Variants in CACNA1B observed in about 807,000 individuals in gnomAD.
CACNA1B encodes calcium voltage-gated channel subunit alpha1 B.
A neutral mutation model predicts 247.2 loss-of-function variants in CACNA1B; 70 were observed. That is an observed-to-expected ratio of 0.28 (90% CI 0.23 to 0.35). The LOEUF (loss-of-function observed/expected upper bound fraction) is 0.35, where lower values mean the gene tolerates loss of function less well. Among genes scored for constraint, CACNA1B ranks in the 10% least tolerant of loss-of-function variants. The pLI is 1.00. For missense variants in CACNA1B, 2,367 were observed against 3,197.4 expected, an observed-to-expected ratio of 0.74 and a Z score of 6.26; for synonymous variants, 1,231 against 1,294.4, an observed-to-expected ratio of 0.95 and a Z score of 1.05.
At chr9:137,879,526 T>C (rs934581414) in intron 2 of CACNA1B, among the ~76,000 whole-genome samples, 1 of 152,218 alleles carries the variant, frequency 6.6e-6, no homozygotes, top group Non-Finnish European at 1.5e-5. Context: ...CTGAATGCCA[T>C]GTGTGCCCTG....
chr9:138,114,260 C>T, intron 40 of CACNA1B, 118 bp from the exon 41 acceptor site: 2 of 637,994 alleles, frequency 3.1e-6, no homozygotes. Context: ...AGTGCATTTC[C>T]AGGAGTCTTT....
At position 138,046,974 on chromosome 9, in the gene CACNA1B, T is replaced by G. The variant is rs1959190940; in HGVS notation, c.3484T>G (p.Leu1162Val). 1 of 1,613,672 alleles carries G rather than the reference T, an allele frequency of 6.2e-7. No individual in the cohort carries two copies. The highest frequency in any genetic ancestry group is 1.1e-5 in the South Asian group (1 of 91,046). The change falls in exon 22 of 47, where the codon TTG becomes GTG. Residue 1162 changes from leucine (L) to valine (V), a missense_variant. Physicochemically the swap from Leu to Val is conservative, Grantham distance 32 (BLOSUM62 1). This residue lies in a region of CACNA1B where 631 missense variants were observed against 631.1 expected (regional missense o/e 1.00). Transcript: ENST00000371372. Reference sequence around the variant, plus strand: ...GGTGGTCATTCTCGTGGTCATCGCCTTGAGCAGCATCGCCCTGGCTGCTGA... The same window carrying G: ...GGTGGTCATTCTCGTGGTCATCGCCGTGAGCAGCATCGCCCTGGCTGCTGA... ...FEVVILVVIA[L>V]SSIALAAEDP...
chr9:138,060,522 G>A (rs1367929451), intron 31 of CACNA1B, among the ~76,000 whole-genome samples: 1 of 152,166 alleles, frequency 6.6e-6, no homozygotes, highest in Non-Finnish European at 1.5e-5. Context: ...AGCGTAGGTC[G>A]CACCTCAGAG....
At chr9:138,107,363 C>T (rs959589668) in intron 39 of CACNA1B, among the ~76,000 whole-genome samples, 3 of 151,806 alleles carry the variant, frequency 2.0e-5, no homozygotes, top group Non-Finnish European at 2.9e-5. Flanking sequence ...CCTCCTGCCT[C>T]GGCCTCCCAA....
rs1005397098 is a variant in CACNA1B at position 137,954,706 on chromosome 9, C to G, written c.1071-992C>G. Among the ~76,000 whole-genome samples, 6 of 149,182 alleles carry G rather than the reference C, an allele frequency of 4.0e-5. No homozygotes were observed. The highest frequency in any genetic ancestry group is 7.5e-5 in the Non-Finnish European group (5 of 66,526). ...GGGTGCACCTGGGCAGGCCTGGTCA[C>G]CTTGCACTGCCTGGGCTGTAGCAGC... On this transcript the variant is annotated intron_variant, in intron 7 of 46. Coordinates refer to ENST00000371372, the MANE Select transcript of CACNA1B (RefSeq NM_000718.4). The surrounding 1 kb of genome is among the most constrained non-coding windows in gnomAD (Gnocchi z 4.1).
In CACNA1B at chr9:138,010,051, C is replaced by A; in HGVS notation, c.2134C>A (p.Leu712Met). 6.2e-7 allele frequency: 1 copy of A among 1,613,794 alleles called. No individual in the cohort carries two copies. The highest frequency in any genetic ancestry group is 8.5e-7 in the Non-Finnish European group (1 of 1,179,706). The change falls in exon 17 of 47, where the codon CTG becomes ATG. Residue 712 changes from leucine to methionine, a missense_variant. By Grantham distance (15) the Leu-to-Met change is conservative. Transcript: ENST00000371372. This position sits in a 1 kb window ranked among gnomAD's most constrained non-coding sequence, Gnocchi z 5.3. ...NVFLAIAVDN[L>M]ANAQELTKDE... ...CTTTCTGGCCATCGCTGTGGACAAC[C>A]TGGCCAACGCCCAAGAGCTGACCAA...
chr9:137,879,176 G>A lies in CACNA1B; in HGVS notation c.390+17G>A, dbSNP rs1467370785. The A allele has an allele frequency of 3.2e-6, 5 of 1,551,318 alleles. No homozygotes were observed. Among genetic ancestry groups the A allele is most frequent in the African/African-American group, 1.4e-5 (1 of 73,812 alleles). On this transcript the variant is annotated intron_variant, in intron 2 of 46. Coordinates refer to ENST00000371372, the MANE Select transcript of CACNA1B (RefSeq NM_000718.4). ...GAGCGGCTGGTGAGTGCCCGGCTGG[G>A]CCTGAGGGCAGGGTGGTGGGGAGGC...
At chr9:137,894,787 C>G (rs181663515) in intron 3 of CACNA1B, among the ~76,000 whole-genome samples, 3 of 152,118 alleles carry the variant, frequency 2.0e-5, no homozygotes, top group Non-Finnish European at 2.9e-5. Context: ...TAGTCTATTG[C>G]TTGATATGTG....
chr9:138,118,113 T>C, intron 43 of CACNA1B, 32 bp downstream of exon 43: 1 of 1,294,016 alleles, frequency 7.7e-7, no homozygotes, highest in Non-Finnish European at 1.0e-6. Context: ...TGAGACTGGG[T>C]TGGGGGATGT....
chr9:138,039,752 C>T (rs577666864), intron 20 of CACNA1B, among the ~76,000 whole-genome samples: 141 of 152,172 alleles, frequency 9.3e-4, no homozygotes, highest in Non-Finnish European at 1.6e-3. Context: ...GCTTTATGGT[C>T]AGCTTTTTTC....
chr9:137,908,737 TCTC>T (rs1957325328), intron 3 of CACNA1B, among the ~76,000 whole-genome samples: 1 of 151,158 alleles, frequency 6.6e-6, no homozygotes, highest in Non-Finnish European at 1.5e-5. Context: ...TTCACGCCAT[TCTC>T]CTGCCTCAGC....
At position 137,888,983 on chromosome 9, in the gene CACNA1B, G is replaced by A. The variant is rs1334636902; in HGVS notation, c.530+6100G>A. 4.0e-5 allele frequency among the ~76,000 whole-genome samples: 6 copies of A among 149,896 alleles called. No individual in the cohort carries two copies. Among genetic ancestry groups the A allele is most frequent in the African/African-American group, 7.3e-5 (3 of 41,278 alleles). On this transcript the variant is annotated intron_variant, in intron 3 of 46. Transcript: ENST00000371372. This position sits in a 1 kb window ranked among gnomAD's most constrained non-coding sequence, Gnocchi z 4.7. ...TGAAAACAGGTGACAGCCCAGAGAC[G>A]CTGCCTTCCCGCAAGGCGACCTGAC... is the stretch of plus-strand genomic sequence containing the variant.
chr9:138,098,372 T>A (rs924368448), intron 37 of CACNA1B, among the ~76,000 whole-genome samples: 2 of 152,154 alleles, frequency 1.3e-5, no homozygotes, highest in African/African-American at 4.8e-5. Context: ...AGGATTTAGG[T>A]GAATTCTAGG....
chr9:138,117,828 A>G lies in CACNA1B; in HGVS notation c.5778-118A>G, dbSNP rs544879574. The G allele has an allele frequency of 6.5e-5, 50 of 773,984 alleles. No homozygotes were observed. The African/African-American group carries it at 8.2e-4, about 13-fold the overall frequency. 47.9% of individuals were successfully genotyped at this position (773,984 alleles called of 1,614,324 possible). A position where few individuals can be genotyped will look rare whatever the true frequency, so the allele number is the denominator to read the frequency against. Reference sequence around the variant, plus strand: ...AATTCAGTCCAGAACAGGGTGGCCAAACCCCCTGACCTCTGCTGCATGTGT... The same window carrying G: ...AATTCAGTCCAGAACAGGGTGGCCAGACCCCCTGACCTCTGCTGCATGTGT... On this transcript the variant is annotated intron_variant, in intron 42 of 46. Coordinates refer to ENST00000371372, the MANE Select transcript of CACNA1B (RefSeq NM_000718.4).
intron 15 of CACNA1B, among the ~76,000 whole-genome samples, chr9:138,003,842 G>A (rs886465166): frequency 2.8e-5 from 4 of 140,756 alleles, no homozygotes; most frequent in Non-Finnish European, 6.0e-5. Flanking sequence ...GGCTGGTGTC[G>A]AACTCCTGGG....
chr9:137,937,352 C>T (rs1222956633), intron 6 of CACNA1B, among the ~76,000 whole-genome samples: 2 of 151,954 alleles, frequency 1.3e-5, no homozygotes, highest in African/African-American at 2.4e-5. Flanking sequence ...AGCTCGAAGA[C>T]AAGGTTTTTG....
At chr9:137,893,432 C>T (rs1456410277) in intron 3 of CACNA1B, among the ~76,000 whole-genome samples, 4 of 150,622 alleles carry the variant, frequency 2.7e-5, no homozygotes, top group African/African-American at 4.9e-5. Flanking sequence ...GGGCAGATCA[C>T]GAGGTCAGGA....
At chr9:137,932,041 G>C (rs1957613968) in intron 6 of CACNA1B, among the ~76,000 whole-genome samples, 1 of 152,096 alleles carries the variant, frequency 6.6e-6, no homozygotes, top group Middle Eastern at 3.2e-3. Context: ...TTTTCCTCTA[G>C]AAAAAGACAT....
chr9:137,901,907 C>A (rs371748513), intron 3 of CACNA1B, among the ~76,000 whole-genome samples: 4 of 151,860 alleles, frequency 2.6e-5, no homozygotes, highest in African/African-American at 2.4e-5. Flanking sequence ...GTCAGGCTGG[C>A]GTGGAACTCT....
Sources: gnomAD v4.1 joint callset for allele counts (sites outside exome capture counted in the v4.1 genomes callset) on GRCh38, gnomAD v4.1.1 for gene constraint, gnomAD v4.1.1 regional missense constraint, Gnocchi (gnomAD v3.1) non-coding constraint, MANE v1.5 for transcripts, NCBI Gene and HGNC (gene_info 2026-07-23, HGNC 2026-07-21) for gene names.